NXPE1: variants seen among roughly 807,000 people sequenced by gnomAD.
NXPE1 encodes the protein NXPE family member 1.
In NXPE1, 31 loss-of-function variants were observed where a neutral mutation model predicts 33.3. The observed-to-expected ratio is 0.93, with a 90% CI of 0.70 to 1.26. NXPE1 has a LOEUF of 1.26. Among genes scored for constraint, NXPE1 ranks in the 50% most tolerant of loss-of-function variants. The pLI, the probability that NXPE1 is intolerant of heterozygous loss-of-function variation, is 0.00. For synonymous variants in NXPE1, 229 were observed against 231.4 expected (o/e 0.99, Z 0.09); for missense variants, 661 against 655.6 (o/e 1.01, Z -0.09).
At chr11:114,551,073 T>G in intron 5 of NXPE1, 30 bp downstream of exon 5, 1 of 1,228,640 alleles carries the variant, frequency 8.1e-7, no homozygotes, top group Non-Finnish European at 1.2e-6. Context: ...GCTTACTGTG[T>G]GATCTGCATC....
rs574103684 is a variant in NXPE1, at chr11:114,537,815, A to C, written c.100-6907T>G. Among the ~76,000 whole-genome samples the C allele has an allele frequency of 2.0e-4, 30 of 152,066 alleles. 1 individual carries two copies. In the East Asian group the frequency reaches 3.9e-3, roughly 20 times the overall value. Reference sequence around the variant, plus strand: ...ACAAATGGAAGAACATTCCATGCTCATGGGTAGGAAGAATCAGTATCATGA... The same window carrying C: ...ACAAATGGAAGAACATTCCATGCTCCTGGGTAGGAAGAATCAGTATCATGA... On this transcript the variant is annotated intron_variant, in intron 5 of 8. Coordinates refer to ENST00000534921, the Ensembl canonical transcript of NXPE1.
At chr11:114,519,739 G>A (rs1947167252), downstream of NXPE1, among the ~76,000 whole-genome samples, 1 of 152,068 alleles carries the variant, frequency 6.6e-6, no homozygotes, top group Non-Finnish European at 1.5e-5. Flanking sequence ...TGTCTTGTGT[G>A]TGGGACATTT....
chr11:114,551,251 A>T, intron 4 of NXPE1, 40 bp from the exon 5 acceptor site: 1 of 1,366,920 alleles, frequency 7.3e-7, no homozygotes, highest in Non-Finnish European at 1.0e-6. Context: ...TGAGAAGTGA[A>T]TCTCTCTGTA....
At chr11:114,546,590 C>G (rs905030882) in intron 5 of NXPE1, among the ~76,000 whole-genome samples, 2 of 151,852 alleles carry the variant, frequency 1.3e-5, no homozygotes, top group Admixed American at 1.3e-4. Flanking sequence ...GCATGGGGCA[C>G]CATGCCTGGC....
chr11:114,547,724 GA>G (rs1305138043), intron 5 of NXPE1, among the ~76,000 whole-genome samples: 1 of 152,154 alleles, frequency 6.6e-6, no homozygotes, highest in Non-Finnish European at 1.5e-5. Flanking sequence ...GTCAGAGCAA[GA>G]CTCTGTCTCA....
exon 6 of NXPE1, chr11:114,530,308 G>T: frequency 6.2e-7 from 1 of 1,614,206 alleles, no homozygotes; most frequent in African/African-American, 1.3e-5. Context: ...CTGTCATCCA[G>T]ATATTCACAG....
intron 5 of NXPE1, among the ~76,000 whole-genome samples, chr11:114,547,994 A>G (rs1565313053): frequency 1.3e-5 from 2 of 152,204 alleles, no homozygotes; most frequent in African/African-American, 4.8e-5. Context: ...TTAAATCTTA[A>G]GAAAATCAGA....
chr11:114,548,570 C>T (rs1948356525), intron 5 of NXPE1, among the ~76,000 whole-genome samples: 1 of 151,604 alleles, frequency 6.6e-6, no homozygotes, highest in African/African-American at 2.4e-5. Context: ...ACTCGTGACT[C>T]AAAGAAAAAT....
chr11:114,520,553 G>T (rs189466546), downstream of NXPE1, among the ~76,000 whole-genome samples: 1 of 152,060 alleles, frequency 6.6e-6, no homozygotes, highest in Non-Finnish European at 1.5e-5. Context: ...CTTGGCTATT[G>T]TGAATAATGC....
chr11:114,521,734 T>G, exon 9 of NXPE1: 2 of 440,232 alleles, frequency 4.5e-6, no homozygotes, highest in Non-Finnish European at 8.0e-6. Context: ...AAAAACTTTT[T>G]TAATATTTTA....
chr11:114,537,931 C>A (rs900854098), intron 5 of NXPE1, among the ~76,000 whole-genome samples: 2 of 152,160 alleles, frequency 1.3e-5, no homozygotes, highest in African/African-American at 4.8e-5. Flanking sequence ...GAAAAAACTA[C>A]TTTAAAGTTC....
intron 5 of NXPE1, 134 bp downstream of exon 5, chr11:114,550,969 T>TAG: frequency 3.4e-6 from 2 of 593,640 alleles, no homozygotes; most frequent in Non-Finnish European, 6.0e-6. Context: ...AGGAGTTAGG[T>TAG]AGAGAGAGAG....
intron 5 of NXPE1, among the ~76,000 whole-genome samples, chr11:114,536,313 G>A (rs906033156): frequency 6.6e-6 from 1 of 152,152 alleles, no homozygotes; most frequent in African/African-American, 2.4e-5. Flanking sequence ...AGCACTAAAT[G>A]CCCACAAGAG....
downstream of NXPE1, among the ~76,000 whole-genome samples, chr11:114,519,151 A>G (rs183641000): frequency 3.2e-3 from 490 of 152,358 alleles, 2 homozygotes; most frequent in Middle Eastern, 6.8e-3. Context: ...TTATATGACA[A>G]ATGTTAAATT....
At chr11:114,539,206 T>G (rs2135034273) in intron 5 of NXPE1, among the ~76,000 whole-genome samples, 1 of 149,728 alleles carries the variant, frequency 6.7e-6, no homozygotes, top group Non-Finnish European at 1.5e-5. Context: ...TACCGCATGT[T>G]CTCACTCATA....
chr11:114,559,388 T>A (rs533965120), intron 1 of NXPE1, among the ~76,000 whole-genome samples: 1 of 152,324 alleles, frequency 6.6e-6, no homozygotes, highest in South Asian at 2.1e-4. Flanking sequence ...AACAATGTCA[T>A]ACATAAAACA....
intron 5 of NXPE1, among the ~76,000 whole-genome samples, chr11:114,537,319 A>G (rs1002278286): frequency 2.6e-5 from 4 of 152,234 alleles, no homozygotes; most frequent in African/African-American, 7.2e-5. Flanking sequence ...CCCACAGCCA[A>G]TATCATACTG....
At chr11:114,554,582 T>A (rs1948605415) in intron 1 of NXPE1, among the ~76,000 whole-genome samples, 1 of 152,228 alleles carries the variant, frequency 6.6e-6, no homozygotes, top group East Asian at 1.9e-4. Context: ...TAGCATTTTT[T>A]AATTAACATG....
At chr11:114,547,477 G>A (rs1319059840) in intron 5 of NXPE1, among the ~76,000 whole-genome samples, 1 of 152,222 alleles carries the variant, frequency 6.6e-6, no homozygotes, top group Non-Finnish European at 1.5e-5. Context: ...GCTCACGCCT[G>A]TAATCCCAGC....
Sources: allele counts gnomAD v4.1 joint callset (sites outside exome capture counted in the v4.1 genomes callset), GRCh38; gene constraint gnomAD v4.1.1; transcripts MANE v1.5; gene names NCBI Gene and HGNC (gene_info 2026-07-23, HGNC 2026-07-21).